The following CNOT1 variants were observed in gnomAD, a reference collection of about 807,000 sequenced individuals.
CNOT1 encodes the protein CCR4-associated factor 1.
In CNOT1, 15 loss-of-function variants were observed where a neutral mutation model predicts 273.8. The ratio of observed to expected loss-of-function variants is 0.05; its 90% CI spans 0.04 to 0.08. The LOEUF is 0.08. Ranked by LOEUF, CNOT1 falls within the 10% of genes least tolerant of loss-of-function variation. CNOT1 has a pLI of 1.00. For synonymous variants in CNOT1, 1,022 were observed against 1,005.5 expected, an observed-to-expected ratio of 1.02 and a Z score of -0.31; for missense variants, 1,644 against 2,912.2, an observed-to-expected ratio of 0.56 and a Z score of 10.02.
Position 58,613,936 on chromosome 16 carries a change from A to G in CNOT1, c.-174-14425T>C, listed in dbSNP as rs1421503021. Among the ~76,000 whole-genome samples the G allele has an allele frequency of 1.7e-5, 2 of 119,594 alleles. 1 individual carries two copies. Among genetic ancestry groups the G allele is most frequent in the African/African-American group, 5.6e-5 (2 of 35,566 alleles). 78.5% of individuals were successfully genotyped at this position (119,594 alleles called of 152,430 possible). A position where few individuals can be genotyped will look rare whatever the true frequency, so the allele number is the denominator to read the frequency against. ...ACCCCGTCTCTACTAAAAATACAAA[A>G]AAAAAATTAGCCGGGCGTGGTGGCG... On this transcript the variant is annotated intron_variant, in intron 1 of 48. Transcript: ENST00000317147.
At chr16:58,522,449 T>C (rs967542409) in intron 47 of CNOT1, among the ~76,000 whole-genome samples, 2 of 152,132 alleles carry the variant, frequency 1.3e-5, no homozygotes, top group East Asian at 3.9e-4. Context: ...AAGCATCCAA[T>C]AAGATATTAA....
intron 1 of CNOT1, among the ~76,000 whole-genome samples, chr16:58,629,086 A>T (rs1248111749): frequency 6.6e-6 from 1 of 152,262 alleles, no homozygotes; most frequent in African/African-American, 2.4e-5. Flanking sequence ...CAGGCGCGCG[A>T]GTGGAACAAA....
chr16:58,624,163 G>A (rs948857071), intron 1 of CNOT1, among the ~76,000 whole-genome samples: 2 of 152,192 alleles, frequency 1.3e-5, no homozygotes, highest in East Asian at 3.8e-4. Flanking sequence ...CTGTCTATGG[G>A]ACTTGAGCTT....
At chr16:58,605,831 A>AT (rs1305904528) in intron 1 of CNOT1, among the ~76,000 whole-genome samples, 2 of 151,878 alleles carry the variant, frequency 1.3e-5, no homozygotes, top group Non-Finnish European at 2.9e-5. Flanking sequence ...TAATTTTTGT[A>AT]TTTTTTGTAG....
chr16:58,544,581 T>C (rs2040197412), intron 30 of CNOT1, among the ~76,000 whole-genome samples: 1 of 152,172 alleles, frequency 6.6e-6, no homozygotes, highest in African/African-American at 2.4e-5. Flanking sequence ...GTACCATGTC[T>C]ATAGGAGTGG....
Position 58,532,297 on chromosome 16 carries a change from G to T in CNOT1, c.5994C>A (p.Leu1998=). ...CATGCTCAGGTGCATTGAGTTCCAA[G>T]AGAAGCATGATAAAAATTCGATGGT... ...LPYHRIFIML[L]LELNAPEHVL... The change falls in exon 41 of 49, where the codon CTC becomes CTA. Residue 1998 remains leucine (L), a synonymous_variant. Coordinates refer to ENST00000317147, the MANE Select transcript of CNOT1 (RefSeq NM_016284.5). 6.2e-7 allele frequency: 1 copy of T among 1,614,152 alleles called. No homozygotes were observed. Among genetic ancestry groups the T allele is most frequent in the Non-Finnish European group, 8.5e-7 (1 of 1,180,026 alleles).
At chr16:58,608,884 T>C (rs920325908) in intron 1 of CNOT1, among the ~76,000 whole-genome samples, 1 of 152,188 alleles carries the variant, frequency 6.6e-6, no homozygotes, top group Non-Finnish European at 1.5e-5. Flanking sequence ...AAACATCATA[T>C]GTTCTCACTC....
chr16:58,588,588 C>G (rs1390252003), intron 3 of CNOT1, among the ~76,000 whole-genome samples: 1 of 152,070 alleles, frequency 6.6e-6, no homozygotes, highest in Admixed American at 6.6e-5. Flanking sequence ...TGATCCCTAC[C>G]TCTCTAAACC....
chr16:58,558,808 T>A, intron 17 of CNOT1, 134 bp from the exon 18 acceptor site: 1 of 1,210,036 alleles, frequency 8.3e-7, no homozygotes, highest in Non-Finnish European at 1.1e-6. Context: ...CGATGATACT[T>A]AAATCCCAGT....
chr16:58,601,734 T>TAAAAAAAAAAAAACA (rs2042471366), intron 1 of CNOT1, among the ~76,000 whole-genome samples: 1 of 91,514 alleles, frequency 1.1e-5, no homozygotes, highest in Non-Finnish European at 2.2e-5. Flanking sequence ...ATACCCACCT[T>TAAAAAAAAAAAAACA]AAAAAAAAAA....
chr16:58,545,053 A>G (rs2040212595), intron 30 of CNOT1, among the ~76,000 whole-genome samples: 1 of 152,246 alleles, frequency 6.6e-6, no homozygotes, highest in African/African-American at 2.4e-5. Flanking sequence ...AAGCTATGAT[A>G]TACATTAAGC....
At chr16:58,612,534 T>A (rs2042936423) in intron 1 of CNOT1, among the ~76,000 whole-genome samples, 1 of 151,770 alleles carries the variant, frequency 6.6e-6, no homozygotes, top group South Asian at 2.1e-4. Flanking sequence ...AGGTCAGGAG[T>A]TCAAGACCAG....
intron 24 of CNOT1, among the ~76,000 whole-genome samples, chr16:58,550,274 T>C (rs1314970886): frequency 6.6e-6 from 1 of 152,214 alleles, no homozygotes; most frequent in Non-Finnish European, 1.5e-5. Flanking sequence ...CAGGAATCCT[T>C]AGCTAACTCT....
At chr16:58,571,936 A>G (rs2041288653) in intron 16 of CNOT1, among the ~76,000 whole-genome samples, 1 of 151,676 alleles carries the variant, frequency 6.6e-6, no homozygotes, top group Admixed American at 6.6e-5. Context: ...ACCACTGCAC[A>G]CCAGCCTGGG....
intron 16 of CNOT1, among the ~76,000 whole-genome samples, chr16:58,565,756 C>T (rs1280647395): frequency 1.3e-5 from 2 of 152,020 alleles, no homozygotes; most frequent in East Asian, 1.9e-4. Flanking sequence ...GCAGCCTGGC[C>T]AACATGGCAA....
chr16:58,589,354 T>C (rs780992504), intron 2 of CNOT1, among the ~76,000 whole-genome samples: 20 of 151,944 alleles, frequency 1.3e-4, no homozygotes, highest in Non-Finnish European at 2.9e-4. Context: ...CTCTACTAAA[T>C]ATACAAAAAT....
chr16:58,528,282 T>C (rs199925728), intron 44 of CNOT1, 193 bp downstream of exon 44: 2 of 619,018 alleles, frequency 3.2e-6, no homozygotes, highest in Non-Finnish European at 2.9e-6. Context: ...TGTGAACCAA[T>C]ATTCACCAGC....
intron 4 of CNOT1, 39 bp from the exon 5 acceptor site, chr16:58,587,452 C>T: frequency 2.5e-6 from 4 of 1,609,246 alleles, no homozygotes; most frequent in Non-Finnish European, 3.4e-6. Flanking sequence ...TAAGAACTTA[C>T]TTTTTCAAGA....
In CNOT1 at chr16:58,569,813, C is replaced by T. The variant is rs146979918; in HGVS notation, c.1979+4796G>A. On this transcript the variant is annotated intron_variant, in intron 16 of 48. Transcript: ENST00000317147. Reference sequence around the variant, plus strand: ...AGTACAAGGAGAGAAGAAAAAGGTACGGAAAGATTTGTAGAAATAATGACT... The same window carrying T: ...AGTACAAGGAGAGAAGAAAAAGGTATGGAAAGATTTGTAGAAATAATGACT... Among the ~76,000 whole-genome samples, 107 of 151,990 alleles carry T rather than the reference C, an allele frequency of 7.0e-4. No homozygotes were observed. The East Asian group carries it at 0.016, about 23-fold the overall frequency.
Sources: gnomAD v4.1 joint callset for allele counts (sites outside exome capture counted in the v4.1 genomes callset) on GRCh38, gnomAD v4.1.1 for gene constraint, MANE v1.5 for transcripts, NCBI Gene and HGNC (gene_info 2026-07-23, HGNC 2026-07-21) for gene names.